SLC10A1: variants seen among roughly 807,000 people sequenced by gnomAD.
SLC10A1 encodes solute carrier family 10 member 1.
Under a neutral mutation model 20.5 loss-of-function variants are expected in SLC10A1, and 36 were observed. The ratio of observed to expected loss-of-function variants is 1.75; its 90% CI spans 1.34 to 2.32. The LOEUF (loss-of-function observed/expected upper bound fraction) is 2.32, where lower values mean the gene tolerates loss of function less well. Ranked by LOEUF, SLC10A1 falls within the 30% of genes most tolerant of loss-of-function variation. SLC10A1 has a pLI of 0.00. For missense variants in SLC10A1, 545 were observed against 439.1 expected (o/e 1.24, Z -2.16); for synonymous variants, 188 against 163.6 (o/e 1.15, Z -1.14).
At chr14:69,788,865 T>A (rs149372225) in intron 1 of SLC10A1, among the ~76,000 whole-genome samples, 1 of 152,164 alleles carries the variant, frequency 6.6e-6, no homozygotes, top group African/African-American at 2.4e-5. Flanking sequence ...AGAACTCTTA[T>A]AATGCAATAA....
chr14:69,779,721 TTTGA>T (rs909634870), intron 2 of SLC10A1, among the ~76,000 whole-genome samples: 2 of 152,192 alleles, frequency 1.3e-5, no homozygotes, highest in Admixed American at 6.5e-5. Flanking sequence ...TGATTAACAC[TTTGA>T]TTATTACAAA....
intron 1 of SLC10A1, among the ~76,000 whole-genome samples, chr14:69,794,957 C>T (rs1882356875): frequency 6.6e-6 from 1 of 152,204 alleles, no homozygotes; most frequent in South Asian, 2.1e-4. Context: ...GCTGGGACAT[C>T]TGGCCACTCA....
Position 69,775,981 on chromosome 14 carries a change from T to C in SLC10A1, c.*301A>G. 1 of 340,524 alleles carries C rather than the reference T, an allele frequency of 2.9e-6. No individual in the cohort carries two copies. Among genetic ancestry groups the C allele is most frequent in the South Asian group, 4.7e-5 (1 of 21,476 alleles). The allele number at this position is 340,524 out of a possible 1,614,324, so 21.1% of individuals were successfully genotyped here. A position where few individuals can be genotyped will look rare whatever the true frequency, so the allele number is the denominator to read the frequency against. Reference sequence around the variant, plus strand: ...GTTCAGGAATTGAGTGACTTTAAGATGCTTATCAGACACTTTTAGAGATCC... The same window carrying C: ...GTTCAGGAATTGAGTGACTTTAAGACGCTTATCAGACACTTTTAGAGATCC... On this transcript the variant is annotated 3_prime_UTR_variant, in exon 5 of 5. Coordinates refer to ENST00000216540, the MANE Select transcript of SLC10A1 (RefSeq NM_003049.4).
intron 2 of SLC10A1, among the ~76,000 whole-genome samples, chr14:69,782,520 A>G (rs1289466683): frequency 2.0e-5 from 3 of 152,152 alleles, no homozygotes; most frequent in African/African-American, 7.2e-5. Context: ...AAGATCTGAG[A>G]TTCTCGGCAA....
chr14:69,780,313 C>T (rs922632923), intron 2 of SLC10A1, among the ~76,000 whole-genome samples: 1 of 152,192 alleles, frequency 6.6e-6, no homozygotes, highest in Non-Finnish European at 1.5e-5. Flanking sequence ...TAGAGAATTG[C>T]GTCCTCCAAA....
intron 1 of SLC10A1, among the ~76,000 whole-genome samples, chr14:69,788,936 A>T (rs1461541720): frequency 6.6e-6 from 1 of 152,238 alleles, no homozygotes; most frequent in African/African-American, 2.4e-5. Context: ...AAGAAGATAT[A>T]CAAATGGCTA....
chr14:69,776,193 A>G lies in SLC10A1; in HGVS notation c.*89T>C, dbSNP rs1053876192. 13 of 872,956 alleles carry G rather than the reference A, an allele frequency of 1.5e-5. No individual in the cohort carries two copies. Among genetic ancestry groups the G allele is most frequent in the Non-Finnish European group, 2.2e-5 (12 of 535,910 alleles). 54.1% of individuals were successfully genotyped at this position (872,956 alleles called of 1,614,324 possible). Reference sequence around the variant, plus strand: ...GGAAATGCTGGAGAAAGACTCAGGCAAGACTGGTGTTTTTGCTGCTCTCTC... The same window carrying G: ...GGAAATGCTGGAGAAAGACTCAGGCGAGACTGGTGTTTTTGCTGCTCTCTC... On this transcript the variant is annotated 3_prime_UTR_variant, in exon 5 of 5. Transcript: ENST00000216540.
intron 2 of SLC10A1, among the ~76,000 whole-genome samples, chr14:69,780,696 G>A (rs1030328466): frequency 6.6e-6 from 1 of 152,152 alleles, no homozygotes; most frequent in Non-Finnish European, 1.5e-5. Context: ...CCAATTAGTG[G>A]TCCTATCCCA....
chr14:69,796,751 C>T, intron 1 of SLC10A1, 49 bp downstream of exon 1: 1 of 1,448,636 alleles, frequency 6.9e-7, no homozygotes, highest in Non-Finnish European at 9.5e-7. Context: ...TGTGACATAT[C>T]TAATGTAGCT....
rs1215669338 is a variant in SLC10A1 at position 69,779,246 on chromosome 14, GGGA to G, written c.679_681del (p.Ser227del). 6.2e-7 allele frequency: 1 copy of G among 1,614,000 alleles called. No homozygotes were observed. The highest frequency in any genetic ancestry group is 1.3e-5 in the African/African-American group (1 of 75,028). ...AGCAGAAAGCCAATAAAAGGCATCAGGGAGGAGGTGGCAATCAAGAGTGGTGTC... is the reference window on the plus strand; with the variant it reads ...AGCAGAAAGCCAATAAAAGGCATCAGGGAGGTGGCAATCAAGAGTGGTGTC... On this transcript the variant is annotated inframe_deletion, in exon 3 of 5. Coordinates refer to ENST00000216540, the MANE Select transcript of SLC10A1 (RefSeq NM_003049.4).
intron 1 of SLC10A1, among the ~76,000 whole-genome samples, chr14:69,795,211 C>T (rs58194983): frequency 2.2e-3 from 337 of 152,258 alleles, no homozygotes; most frequent in African/African-American, 7.2e-3. Flanking sequence ...AGCATTTTCT[C>T]ACAGTGAGGT....
chr14:69,790,453 A>G (rs1039999123), intron 1 of SLC10A1, among the ~76,000 whole-genome samples: 3 of 152,146 alleles, frequency 2.0e-5, no homozygotes, highest in African/African-American at 7.2e-5. Flanking sequence ...ATATTAGCAA[A>G]TAAGTGTTTT....
chr14:69,785,805 C>T (rs1202450302), intron 2 of SLC10A1, among the ~76,000 whole-genome samples: 15 of 146,288 alleles, frequency 1.0e-4, no homozygotes, highest in South Asian at 4.3e-4. Flanking sequence ...GACGGGGTTT[C>T]GTCATGTTGG....
intron 1 of SLC10A1, among the ~76,000 whole-genome samples, chr14:69,788,303 A>G (rs1566637704): frequency 6.6e-6 from 1 of 152,176 alleles, no homozygotes; most frequent in Non-Finnish European, 1.5e-5. Context: ...TATTTAGAAT[A>G]TAAAAATAAT....
chr14:69,796,828 G>T lies in SLC10A1; in HGVS notation c.328C>A (p.Leu110Met). Residue 110 changes from leucine (L) to methionine (M), a missense_variant, in exon 1 of 5, where the codon CTG becomes ATG. Physicochemically the swap from Leu to Met is conservative, Grantham distance 15. Coordinates refer to ENST00000216540, the MANE Select transcript of SLC10A1 (RefSeq NM_003049.4). ...PGGNLSNVFS[L>M]AMKGDMNLSI... ...AGGTTCATGTCCCCCTTCATGGCCA[G>T]ACTGAAGACATTGGACAGGTTCCCT... is the stretch of plus-strand genomic sequence containing the variant. The T allele has an allele frequency of 6.2e-7, 1 of 1,614,124 alleles. No individual in the cohort carries two copies. The highest frequency in any genetic ancestry group is 1.3e-5 in the African/African-American group (1 of 75,048).
At chr14:69,778,288 T>A in intron 4 of SLC10A1, 45 bp downstream of exon 4, 4 of 1,497,654 alleles carry the variant, frequency 2.7e-6, no homozygotes, top group Non-Finnish European at 3.6e-6. Context: ...GGCTCAGGTC[T>A]AATATTGGAG....
Position 69,778,429 on chromosome 14 carries a change from A to T in SLC10A1, c.847T>A (p.Phe283Ile), listed in dbSNP as rs1373550534. The change falls in exon 4 of 5, where the codon TTC becomes ATC. Residue 283 changes from phenylalanine (F) to isoleucine (I), a missense_variant. Physicochemically the swap from Phe to Ile is conservative, Grantham distance 21. Coordinates refer to ENST00000216540, the MANE Select transcript of SLC10A1 (RefSeq NM_003049.4). ...AFPPEVIGPLFFFPLLYMIFQ... is the reference protein window; with the variant it reads ...AFPPEVIGPLIFFPLLYMIFQ... ...ATCATGTAGAGGAGGGGAAAGAAGA[A>T]AAGTGGTCCAATGACTTCAGGTGGA... 1 of 1,614,086 alleles carries T rather than the reference A, an allele frequency of 6.2e-7. No homozygotes were observed. Among genetic ancestry groups the T allele is most frequent in the Middle Eastern group, 1.7e-4 (1 of 6,056 alleles).
chr14:69,796,987 T>C lies in SLC10A1; in HGVS notation c.169A>G (p.Lys57Glu). 6.2e-7 allele frequency: 1 copy of C among 1,614,224 alleles called. No individual in the cohort carries two copies. Among genetic ancestry groups the C allele is most frequent in the Non-Finnish European group, 8.5e-7 (1 of 1,180,046 alleles). The change falls in exon 1 of 5, where the codon AAG becomes GAG. Residue 57 changes from lysine to glutamate, a missense_variant. By Grantham distance (56) the Lys-to-Glu change is moderately conservative (BLOSUM62 1). Coordinates refer to ENST00000216540, the MANE Select transcript of SLC10A1 (RefSeq NM_003049.4). ...EFSKIKAHLWKPKGLAIALVA... is the reference protein window; with the variant it reads ...EFSKIKAHLWEPKGLAIALVA... ...AGGGCGATGGCCAGCCCTTTAGGCT[T>C]CCATAAGTGAGCCTTGATCTTGCTG...
Position 69,796,977 on chromosome 14 carries a change from C to A in SLC10A1, c.179G>T (p.Gly60Val). The change falls in exon 1 of 5, where the codon GGG (glycine) becomes GTG (valine). Residue 60 changes from glycine (G) to valine (V), a missense_variant. By Grantham distance (109) the Gly-to-Val change is moderately radical (BLOSUM62 -3). Transcript: ENST00000216540. ...CTGTGCCACCAGGGCGATGGCCAGC[C>A]CTTTAGGCTTCCATAAGTGAGCCTT... is the stretch of plus-strand genomic sequence containing the variant. Reference protein sequence around the residue: ...KIKAHLWKPKGLAIALVAQYG... With the variant: ...KIKAHLWKPKVLAIALVAQYG... 4 of 1,614,234 alleles carry A rather than the reference C, an allele frequency of 2.5e-6. 1 individual carries two copies. In the South Asian group the frequency reaches 4.4e-5, roughly 18 times the overall value.
Sources: allele counts gnomAD v4.1 joint callset (sites outside exome capture counted in the v4.1 genomes callset), GRCh38; gene constraint gnomAD v4.1.1; transcripts MANE v1.5; gene names NCBI Gene and HGNC (gene_info 2026-07-23, HGNC 2026-07-21).